Variants in CTBP2 observed in about 807,000 individuals in gnomAD.
The protein encoded by CTBP2 is C-terminal binding protein 2, also known as C-terminal-binding protein 2.
In CTBP2, 30 loss-of-function variants were observed where a neutral mutation model predicts 80.3. That is an observed-to-expected ratio of 0.37 (90% CI 0.28 to 0.51). The LOEUF is 0.51. Among genes scored for constraint, CTBP2 ranks in the 20% least tolerant of loss-of-function variants. The pLI is 0.93. For missense variants in CTBP2, 1,212 were observed against 1,375.3 expected (o/e 0.88, Z 1.88); for synonymous variants, 594 against 587.4 (o/e 1.01, Z -0.16).
chr10:125,122,806 A>AG (rs1163220030), intron 1 of CTBP2: 3 of 152,236 alleles, frequency 2.0e-5, no homozygotes, highest in African/African-American at 4.8e-5. Flanking sequence ...TCACCAAGCA[A>AG]GGGTCCTGTC....
chr10:125,056,196 G>GTAATAA (rs1161257545), intron 2 of CTBP2, among the ~76,000 whole-genome samples: 7 of 147,732 alleles, frequency 4.7e-5, no homozygotes, highest in East Asian at 1.9e-4. Context: ...AATAATAATA[G>GTAATAA]TAATAATAAT....
At chr10:125,078,984 CA>C (rs59556429) in intron 2 of CTBP2, among the ~76,000 whole-genome samples, 22,493 of 129,784 alleles carry the variant, frequency 0.17, 1,858 homozygotes, top group Middle Eastern at 0.25. Context: ...ACTAAAAATA[CA>C]AAAAAAAAAA....
rs1957755260 is a variant in CTBP2 at position 125,027,453 on chromosome 10, T to C, written c.307A>G (p.Ser103Gly). Residue 103 changes from serine (S) to glycine (G), a missense_variant, in exon 1 of 9, where the codon AGC becomes GGC. Physicochemically the swap from Ser to Gly is moderately conservative, Grantham distance 56. Coordinates refer to ENST00000309035, the MANE Select transcript of CTBP2 (RefSeq NM_022802.3). The stretch of plus-strand genomic sequence containing the variant: ...TAGTACTCCCGTGGCAGCAGGGGGC[T>C]GCGACCAGACATCACTGCCTGTCTG... 1 of 1,614,036 alleles carries C rather than the reference T, an allele frequency of 6.2e-7. No homozygotes were observed. The highest frequency in any genetic ancestry group is 1.3e-5 in the African/African-American group (1 of 74,922).
rs374056328 is a variant in CTBP2 at position 124,994,630 on chromosome 10, T to C, written c.2239A>G (p.Ile747Val). The stretch of plus-strand genomic sequence containing the variant: ...TCCTGCAAGTAGGGGTCATAAAATA[T>C]GACGCTGAATCCAAAGGCCTTGGCT... The change falls in exon 5 of 9, where the codon ATA (isoleucine) becomes GTA (valine). Residue 747 changes from isoleucine (I) to valine (V), a missense_variant. Around this residue, in one of 3 missense-constraint regions of CTBP2, gnomAD observed 335 missense variants for 504.7 expected, o/e 0.66. Coordinates refer to ENST00000309035, the MANE Select transcript of CTBP2 (RefSeq NM_022802.3). The C allele has an allele frequency of 1.9e-5, 30 of 1,614,018 alleles. No homozygotes were observed. Among genetic ancestry groups the C allele is most frequent in the African/African-American group, 1.1e-4 (8 of 74,934 alleles).
intron 1 of CTBP2, among the ~76,000 whole-genome samples, chr10:125,012,052 T>C (rs935047489): frequency 1.1e-4 from 16 of 152,368 alleles, no homozygotes; most frequent in African/African-American, 3.8e-4. Context: ...GCTGACTCAC[T>C]GGGCCTGAAA....
In CTBP2 at chr10:125,159,168, T is replaced by G. The variant is rs1246286582; in HGVS notation, c.-206+1151A>C. Among the ~76,000 whole-genome samples the G allele has an allele frequency of 2.7e-5, 4 of 149,948 alleles. No homozygotes were observed. In the East Asian group the frequency reaches 8.1e-4, roughly 30 times the overall value. Reference sequence around the variant, plus strand: ...GGGGCCGTCCGGCGCCGCGGAGGGCTGGGAGGAGGAGGAACCGCGGCGGCC... The same window carrying G: ...GGGGCCGTCCGGCGCCGCGGAGGGCGGGGAGGAGGAGGAACCGCGGCGGCC... On this transcript the variant is annotated intron_variant, in intron 1 of 10. Coordinates refer to the CTBP2 transcript ENST00000337195.
intron 2 of CTBP2, among the ~76,000 whole-genome samples, chr10:125,069,827 T>A (rs1845182802): frequency 6.6e-6 from 1 of 151,512 alleles, no homozygotes; most frequent in Non-Finnish European, 1.5e-5. Flanking sequence ...TCCACCACCA[T>A]CAGGAAGTTG....
intron 2 of CTBP2, among the ~76,000 whole-genome samples, chr10:125,094,486 C>T (rs1849251682): frequency 6.6e-6 from 1 of 152,196 alleles, no homozygotes; most frequent in African/African-American, 2.4e-5. Flanking sequence ...GAGGACGCTC[C>T]ACCTCTGACA....
intron 2 of CTBP2, among the ~76,000 whole-genome samples, chr10:125,098,610 G>A (rs190820560): frequency 2.1e-5 from 3 of 145,512 alleles, no homozygotes; most frequent in Admixed American, 1.4e-4. Context: ...TGCCAATGAC[G>A]CAGCCTGGGG....
intron 2 of CTBP2, among the ~76,000 whole-genome samples, chr10:125,094,254 A>G (rs1349451872): frequency 6.6e-6 from 1 of 152,158 alleles, no homozygotes; most frequent in South Asian, 2.1e-4. Context: ...CAAGTGGTGG[A>G]GCCATCCCAA....
chr10:125,161,742 T>C (rs1190209647), upstream of CTBP2, among the ~76,000 whole-genome samples: 3 of 151,078 alleles, frequency 2.0e-5, no homozygotes, highest in South Asian at 4.2e-4. Flanking sequence ...TCCCTCTTGC[T>C]GCCTGGATCT....
At position 125,027,313 on chromosome 10, in the gene CTBP2, A is replaced by G; in HGVS notation, c.447T>C (p.Asp149=). Residue 149 remains aspartate, a synonymous_variant, in exon 1 of 9, where the codon GAT becomes GAC. Transcript: ENST00000309035. ...GGGCAGGTGACCGGCCTTGCATTGG[A>G]TCCCATGACGTTCTGCTGCCAAGCA... The G allele has an allele frequency of 6.2e-7, 1 of 1,613,600 alleles. No homozygotes were observed. Among genetic ancestry groups the G allele is most frequent in the African/African-American group, 1.3e-5 (1 of 74,970 alleles).
chr10:125,100,840 A>G (rs1000215254), intron 2 of CTBP2: 1 of 152,240 alleles, frequency 6.6e-6, no homozygotes, highest in Non-Finnish European at 1.5e-5. Context: ...TATTGCATTC[A>G]GGATCTATGG....
At chr10:125,040,952 T>C (rs914484913) in intron 2 of CTBP2, among the ~76,000 whole-genome samples, 20 of 152,220 alleles carry the variant, frequency 1.3e-4, no homozygotes, top group African/African-American at 4.8e-4. Context: ...CTTTCAACGA[T>C]TGGGAAGTTC....
intron 1 of CTBP2, among the ~76,000 whole-genome samples, chr10:125,014,441 G>A (rs576896846): frequency 6.6e-6 from 1 of 152,352 alleles, no homozygotes; most frequent in African/African-American, 2.4e-5. Context: ...GACAGAGTGA[G>A]ACTTGGCTCT....
rs536603434 is a variant in CTBP2 at position 124,989,827 on chromosome 10, C to A, written c.2778-129G>T. On this transcript the variant is annotated intron_variant, in intron 8 of 8. Transcript: ENST00000309035. ...CATGAACATGGCTCACCTTGACCGA[C>A]CTTCTGGGCTCAAGTGATCCCACCT... The A allele has an allele frequency of 5.7e-4, 490 of 859,334 alleles. 4 individuals are homozygous for A. The African/African-American group carries it at 7.9e-3, about 14-fold the overall frequency. 53.2% of individuals were successfully genotyped at this position (859,334 alleles called of 1,614,324 possible). A position where few individuals can be genotyped will look rare whatever the true frequency, so the allele number is the denominator to read the frequency against.
At chr10:125,032,494 C>T (rs1295874078), upstream of CTBP2, among the ~76,000 whole-genome samples, 1 of 152,140 alleles carries the variant, frequency 6.6e-6, no homozygotes. Context: ...TTTCTCAGTC[C>T]AATTCTGTCA....
intron 1 of CTBP2, among the ~76,000 whole-genome samples, chr10:125,016,178 G>A (rs769808637): frequency 3.5e-5 from 5 of 141,754 alleles, no homozygotes; most frequent in Non-Finnish European, 7.8e-5. Context: ...ACCCTTCCCA[G>A]TGCCCCAAGG....
At chr10:125,071,650 T>G (rs1845500794) in intron 2 of CTBP2, among the ~76,000 whole-genome samples, 1 of 152,118 alleles carries the variant, frequency 6.6e-6, no homozygotes, top group South Asian at 2.1e-4. Flanking sequence ...TTTGAAGAGC[T>G]TTTTTAGAAA....
Sources: gnomAD v4.1 joint callset for allele counts (sites outside exome capture counted in the v4.1 genomes callset) on GRCh38, gnomAD v4.1.1 for gene constraint, gnomAD v4.1.1 regional missense constraint, MANE v1.5 for transcripts, NCBI Gene and HGNC (gene_info 2026-07-23, HGNC 2026-07-21) for gene names.